The following PRKN variants were observed in gnomAD, a reference collection of about 807,000 sequenced individuals.
PRKN encodes the protein parkin RBR E3 ubiquitin protein ligase.
In PRKN, 56 loss-of-function variants were observed where a neutral mutation model predicts 59.5. The observed-to-expected ratio is 0.94, with a 90% CI of 0.76 to 1.18. PRKN has a LOEUF of 1.18. PRKN is among the 50% of genes most tolerant of loss of function. The pLI is 0.00. For missense variants in PRKN, 657 were observed against 596.4 expected (o/e 1.10, Z -1.06); for synonymous variants, 250 against 222.1 (o/e 1.13, Z -1.12).
At chr6:162,637,571 T>C (rs1439326150) in intron 1 of PRKN, among the ~76,000 whole-genome samples, 1 of 152,124 alleles carries the variant, frequency 6.6e-6, no homozygotes, top group Non-Finnish European at 1.5e-5. Flanking sequence ...TGGACATTCC[T>C]TCTATCCACA....
intron 7 of PRKN, among the ~76,000 whole-genome samples, chr6:161,739,498 T>C (rs1788102396): frequency 1.3e-5 from 2 of 152,184 alleles, no homozygotes; most frequent in African/African-American, 4.8e-5. Flanking sequence ...ATTTGCAATA[T>C]AAAAACTGAA....
intron 2 of PRKN, among the ~76,000 whole-genome samples, chr6:162,340,066 C>T (rs543618747): frequency 2.0e-5 from 3 of 146,638 alleles, no homozygotes; most frequent in South Asian, 2.2e-4. Flanking sequence ...ATCTGCTGAC[C>T]TTCCCTCCAC....
chr6:161,513,525 ATTTTT>A (rs34386533), intron 9 of PRKN, among the ~76,000 whole-genome samples: 4 of 142,824 alleles, frequency 2.8e-5, no homozygotes, highest in African/African-American at 7.8e-5. Flanking sequence ...ATTACAGCAC[ATTTTT>A]TTTTTTTTTT....
intron 4 of PRKN, among the ~76,000 whole-genome samples, chr6:162,148,520 A>G (rs1348851220): frequency 6.6e-6 from 1 of 152,164 alleles, no homozygotes; most frequent in Non-Finnish European, 1.5e-5. Context: ...ACCTCATTCA[A>G]TCCTTAAAAG....
chr6:161,876,854 T>TA (rs1177891548), intron 6 of PRKN, among the ~76,000 whole-genome samples: 2 of 152,140 alleles, frequency 1.3e-5, no homozygotes, highest in Non-Finnish European at 2.9e-5. Context: ...CCCTCCTTCT[T>TA]AAAAAATACC....
Position 161,352,524 on chromosome 6 carries a change from T to G in PRKN, c.1286-2313A>C, listed in dbSNP as rs574684836. ...GTGACATTATAAAACCACTTGTTTC[T>G]CTAAAATATCATAAATATTTTATCA... On this transcript the variant is annotated intron_variant, in intron 11 of 11. Coordinates refer to ENST00000366898, the MANE Select transcript of PRKN (RefSeq NM_004562.3). This position sits in a 1 kb window ranked among gnomAD's most constrained non-coding sequence, Gnocchi z 5.8. 6.6e-6 allele frequency among the ~76,000 whole-genome samples: 1 copy of G among 151,922 alleles called. No homozygotes were observed. The highest frequency in any genetic ancestry group is 1.5e-5 in the Non-Finnish European group (1 of 67,922).
chr6:162,210,480 T>C (rs73596207), intron 3 of PRKN, among the ~76,000 whole-genome samples: 4,020 of 152,298 alleles, frequency 0.026, 164 homozygotes, highest in African/African-American at 0.091. Context: ...AGGTGGCTAC[T>C]TTCCTGTTTA....
At chr6:161,877,003 G>C (rs562709661) in intron 6 of PRKN, among the ~76,000 whole-genome samples, 1 of 152,204 alleles carries the variant, frequency 6.6e-6, no homozygotes, top group East Asian at 1.9e-4. Flanking sequence ...TTGCAATCTA[G>C]AGACCTATTC....
chr6:161,582,739 T>C lies in PRKN; in HGVS notation c.872-13323A>G, dbSNP rs947430762. Reference sequence around the variant, plus strand: ...ACTGCGCCTGGCCTGCAGACTATTATTAATTTTATAATAAGGATAAATGAA... The same window carrying C: ...ACTGCGCCTGGCCTGCAGACTATTACTAATTTTATAATAAGGATAAATGAA... On this transcript the variant is annotated intron_variant, in intron 7 of 11. Transcript: ENST00000366898. The surrounding 1 kb of genome is among the most constrained non-coding windows in gnomAD (Gnocchi z 4.4). Among the ~76,000 whole-genome samples, 2 of 152,072 alleles carry C rather than the reference T, an allele frequency of 1.3e-5. No homozygotes were observed. The highest frequency in any genetic ancestry group is 1.3e-4 in the Admixed American group (2 of 15,262).
chr6:162,469,342 G>A lies in PRKN; in HGVS notation c.8-25869C>T, dbSNP rs1358772320. ...ATTTGTGGAATGTTAAGAAAGTGGG[G>A]GGGTTGCAGGGGGGGGTGGGTGACA... On this transcript the variant is annotated intron_variant, in intron 1 of 11. Transcript: ENST00000366898. 4.3e-4 allele frequency among the ~76,000 whole-genome samples: 60 copies of A among 140,438 alleles called. 1 individual carries two copies. Among genetic ancestry groups the A allele is most frequent in the Non-Finnish European group, 7.7e-4 (49 of 63,846 alleles). The allele number at this position is 140,438 out of a possible 152,430, so 92.1% of individuals were successfully genotyped here.
intron 1 of PRKN, among the ~76,000 whole-genome samples, chr6:162,503,245 C>T (rs1793458437): frequency 6.7e-6 from 1 of 150,266 alleles, no homozygotes; most frequent in African/African-American, 2.5e-5. Context: ...TCACTGCAAC[C>T]TCTGCCTCCC....
chr6:161,352,771 A>ATATTTTT lies in PRKN; in HGVS notation c.1286-2561_1286-2560insAAAAATA, dbSNP rs34279714. On this transcript the variant is annotated intron_variant, in intron 11 of 11. Transcript: ENST00000366898. This position sits in a 1 kb window ranked among gnomAD's most constrained non-coding sequence, Gnocchi z 5.8. ...TGTGTGTGTGTATATATATATATAT[A>ATATTTTT]TTTTATTTTATTTTATTTTATTTTT... Among the ~76,000 whole-genome samples the ATATTTTT allele has an allele frequency of 1.6e-4, 19 of 116,892 alleles. No individual in the cohort carries two copies. Among genetic ancestry groups the ATATTTTT allele is most frequent in the African/African-American group, 5.5e-4 (19 of 34,476 alleles). 76.7% of individuals were successfully genotyped at this position (116,892 alleles called of 152,430 possible).
chr6:161,592,731 C>T lies in PRKN; in HGVS notation c.872-23315G>A, dbSNP rs1442107918. On this transcript the variant is annotated intron_variant, in intron 7 of 11. Transcript: ENST00000366898. The surrounding 1 kb of genome is among the most constrained non-coding windows in gnomAD (Gnocchi z 4.8). ...TCACTAGGGAGGTCCCTTGTGCAGACCAAGGGACAGCCAGGACCAGCACTA... is the reference window on the plus strand; with the variant it reads ...TCACTAGGGAGGTCCCTTGTGCAGATCAAGGGACAGCCAGGACCAGCACTA... 1.3e-5 allele frequency among the ~76,000 whole-genome samples: 2 copies of T among 152,040 alleles called. No homozygotes were observed. The highest frequency in any genetic ancestry group is 2.9e-5 in the Non-Finnish European group (2 of 68,006).
intron 1 of PRKN, among the ~76,000 whole-genome samples, chr6:162,484,686 C>G (rs1035503861): frequency 9.2e-5 from 14 of 152,154 alleles, no homozygotes; most frequent in Admixed American, 1.3e-4. Flanking sequence ...TTTTAATTTG[C>G]GGTTCTTCAG....
intron 5 of PRKN, among the ~76,000 whole-genome samples, chr6:162,013,348 C>T (rs1782808985): frequency 6.6e-6 from 1 of 152,112 alleles, no homozygotes; most frequent in Non-Finnish European, 1.5e-5. Flanking sequence ...CTGTTACATG[C>T]ATCCTTCTTT....
intron 2 of PRKN, among the ~76,000 whole-genome samples, chr6:162,321,209 A>G (rs1783008225): frequency 1.3e-5 from 2 of 151,944 alleles, no homozygotes; most frequent in South Asian, 2.1e-4. Flanking sequence ...CACATTGTAG[A>G]GATACCACAA....
intron 4 of PRKN, among the ~76,000 whole-genome samples, chr6:162,096,290 C>G (rs1386052314): frequency 6.6e-6 from 1 of 152,162 alleles, no homozygotes. Context: ...TATAAATTAG[C>G]TATTAATCCT....
intron 4 of PRKN, among the ~76,000 whole-genome samples, chr6:162,192,956 T>C (rs1784346063): frequency 6.6e-6 from 1 of 152,134 alleles, no homozygotes; most frequent in South Asian, 2.1e-4. Flanking sequence ...AAGGTACACT[T>C]GGGGAACTTG....
chr6:162,010,231 A>C (rs903414393), intron 5 of PRKN, among the ~76,000 whole-genome samples: 1 of 120,848 alleles, frequency 8.3e-6, no homozygotes, highest in African/African-American at 2.9e-5. Flanking sequence ...CATAATATAT[A>C]TTTTATATAT....
Sources: allele counts gnomAD v4.1 joint callset (sites outside exome capture counted in the v4.1 genomes callset), GRCh38; gene constraint gnomAD v4.1.1; non-coding constraint Gnocchi (gnomAD v3.1); transcripts MANE v1.5; gene names NCBI Gene and HGNC (gene_info 2026-07-23, HGNC 2026-07-21).